The following DLGAP2 variants were observed in gnomAD, a reference collection of about 807,000 sequenced individuals.
DLGAP2 encodes the protein DLG associated protein 2.
A neutral mutation model predicts 100.3 loss-of-function variants in DLGAP2; 26 were observed. The observed-to-expected ratio is 0.26, with a 90% confidence interval of 0.19 to 0.36. The LOEUF (loss-of-function observed/expected upper bound fraction) is 0.36. DLGAP2 is among the 10% of genes least tolerant of loss of function. DLGAP2 has a pLI of 1.00. For synonymous variants in DLGAP2, 886 were observed against 630.1 expected (o/e 1.41, Z -6.08); for missense variants, 1,858 against 1,453.2 (o/e 1.28, Z -4.53).
At chr8:1,158,318 T>C (rs1301236398) in intron 2 of DLGAP2, among the ~76,000 whole-genome samples, 1 of 152,240 alleles carries the variant, frequency 6.6e-6, no homozygotes, top group Non-Finnish European at 1.5e-5. Flanking sequence ...TGTGCGTACA[T>C]GTATCTGTGT....
intron 2 of DLGAP2, among the ~76,000 whole-genome samples, chr8:1,216,941 G>A (rs1460658882): frequency 6.6e-6 from 1 of 152,176 alleles, no homozygotes; most frequent in East Asian, 1.9e-4. Context: ...TGGCAAGGAT[G>A]ATGTTGCTGC....
At chr8:1,269,840 G>A (rs1343079650) in intron 3 of DLGAP2, among the ~76,000 whole-genome samples, 6 of 152,242 alleles carry the variant, frequency 3.9e-5, no homozygotes, top group South Asian at 2.1e-4. Flanking sequence ...TGTAATGGGC[G>A]CGCCAGAAGC....
intron 2 of DLGAP2, among the ~76,000 whole-genome samples, chr8:1,040,363 C>T (rs115632555): frequency 0.015 from 1,935 of 132,114 alleles, 47 homozygotes; most frequent in African/African-American, 0.049. Context: ...GCTCAGTGTG[C>T]GTGGTCAGCT....
At chr8:1,481,698 G>C (rs538256860) in intron 3 of DLGAP2, among the ~76,000 whole-genome samples, 1 of 151,822 alleles carries the variant, frequency 6.6e-6, no homozygotes, top group Non-Finnish European at 1.5e-5. Context: ...GGCTTGTCTC[G>C]AACTCCTGAC....
chr8:1,582,308 A>AC (rs1563235711), intron 6 of DLGAP2, among the ~76,000 whole-genome samples: 3 of 96,956 alleles, frequency 3.1e-5, no homozygotes, highest in African/African-American at 1.1e-4. Context: ...ATACAGATAA[A>AC]ACCTTAAAAA....
chr8:1,518,205 G>A (rs961913529), intron 4 of DLGAP2, among the ~76,000 whole-genome samples: 5 of 152,134 alleles, frequency 3.3e-5, no homozygotes, highest in African/African-American at 7.2e-5. Flanking sequence ...ACACGGAATC[G>A]AGTTTGCTAG....
At chr8:1,092,312 C>G (rs1055809914) in intron 2 of DLGAP2, among the ~76,000 whole-genome samples, 1 of 152,230 alleles carries the variant, frequency 6.6e-6, no homozygotes, top group Non-Finnish European at 1.5e-5. Context: ...CCACAGCCCT[C>G]TGCTGATGTG....
At chr8:1,212,820 G>A (rs1798133988) in intron 2 of DLGAP2, among the ~76,000 whole-genome samples, 1 of 125,092 alleles carries the variant, frequency 8.0e-6, no homozygotes, top group Non-Finnish European at 1.5e-5. Flanking sequence ...TTAAATTCAT[G>A]TTTCTGAATA....
chr8:1,061,891 C>G (rs936673094), intron 2 of DLGAP2, among the ~76,000 whole-genome samples: 16 of 152,038 alleles, frequency 1.1e-4, no homozygotes, highest in African/African-American at 3.9e-4. Context: ...GAGCACCCTG[C>G]CCACTCACTC....
intron 3 of DLGAP2, among the ~76,000 whole-genome samples, chr8:1,471,525 C>T (rs1307240275): frequency 2.0e-5 from 3 of 148,504 alleles, no homozygotes; most frequent in African/African-American, 7.7e-5. Context: ...CGATGCCCTC[C>T]CCTCCCCTCC....
chr8:1,108,678 G>C (rs1804855274), intron 2 of DLGAP2, among the ~76,000 whole-genome samples: 1 of 146,112 alleles, frequency 6.8e-6, no homozygotes, highest in South Asian at 2.2e-4. Flanking sequence ...GTGTGCACGG[G>C]TCTGTGAGGT....
chr8:1,245,487 G>A (rs1048526340), intron 2 of DLGAP2, among the ~76,000 whole-genome samples: 7 of 152,226 alleles, frequency 4.6e-5, no homozygotes, highest in Non-Finnish European at 1.0e-4. Context: ...AAAGAAGCCA[G>A]TCATGAAAAC....
chr8:1,609,102 A>G (rs201884346), intron 6 of DLGAP2, among the ~76,000 whole-genome samples: 73,739 of 116,822 alleles, frequency 0.63, 27,042 homozygotes, highest in East Asian at 0.82. Context: ...ATTCACCAAA[A>G]TGGAAATGAA....
intron 3 of DLGAP2, among the ~76,000 whole-genome samples, chr8:1,365,597 C>T (rs1293905365): frequency 1.3e-5 from 2 of 152,214 alleles, no homozygotes; most frequent in African/African-American, 4.8e-5. Flanking sequence ...CTAAAAGCTG[C>T]TACCTGGATG....
At chr8:1,255,892 C>G (rs1204241883) in intron 2 of DLGAP2, among the ~76,000 whole-genome samples, 1 of 119,374 alleles carries the variant, frequency 8.4e-6, no homozygotes, top group East Asian at 2.7e-4. Context: ...TGCCTGGGTG[C>G]TATGTGTGTG....
intron 6 of DLGAP2, among the ~76,000 whole-genome samples, chr8:1,569,991 T>A (rs1802590239): frequency 6.6e-6 from 1 of 152,130 alleles, no homozygotes; most frequent in African/African-American, 2.4e-5. Context: ...GGGTAGATAC[T>A]GTGGGGAGAG....
intron 2 of DLGAP2, among the ~76,000 whole-genome samples, chr8:1,204,540 T>TG (rs1797949315): frequency 6.6e-6 from 1 of 151,184 alleles, no homozygotes; most frequent in Non-Finnish European, 1.5e-5. Flanking sequence ...CAAAGAACAC[T>TG]TGTGTGTGTG....
chr8:1,326,522 G>A (rs1372439890), intron 3 of DLGAP2, among the ~76,000 whole-genome samples: 1 of 151,680 alleles, frequency 6.6e-6, no homozygotes, highest in African/African-American at 2.4e-5. Flanking sequence ...CGTGCACTCG[G>A]TCTCGGTCCG....
chr8:1,251,663 G>A (rs1272293812), intron 2 of DLGAP2, among the ~76,000 whole-genome samples: 1 of 152,194 alleles, frequency 6.6e-6, no homozygotes. Context: ...TCTGTGTCAG[G>A]TCATGTTGGA....
Sources: allele counts gnomAD v4.1 joint callset (sites outside exome capture counted in the v4.1 genomes callset), GRCh38; gene constraint gnomAD v4.1.1; transcripts MANE v1.5; gene names NCBI Gene and HGNC (gene_info 2026-07-23, HGNC 2026-07-21).